TRMT2A: variants seen among roughly 807,000 people sequenced by gnomAD.
TRMT2A encodes the protein tRNA (uracil-5-)-methyltransferase homolog A.
A neutral mutation model predicts 59.3 loss-of-function variants in TRMT2A; 60 were observed. The ratio of observed to expected loss-of-function variants is 1.01; its 90% CI spans 0.82 to 1.26. The LOEUF (loss-of-function observed/expected upper bound fraction) is 1.26, where lower values mean the gene tolerates loss of function less well. Ranked by LOEUF, TRMT2A falls within the 50% of genes most tolerant of loss-of-function variation. The pLI, the probability that TRMT2A is intolerant of heterozygous loss-of-function variation, is 0.00. For synonymous variants in TRMT2A, 403 were observed against 353.7 expected, an observed-to-expected ratio of 1.14 and a Z score of -1.56; for missense variants, 863 against 845.2, an observed-to-expected ratio of 1.02 and a Z score of -0.26.
rs1470228071 is a variant in TRMT2A at position 20,116,541 on chromosome 22, G to A, written c.96C>T (p.Pro32=). ...CCTCCAGGGCTGCCGGGGCTGCAGGGGGCACCGAGACGGTAGGGCAGCTCA... is the reference window on the plus strand; with the variant it reads ...CCTCCAGGGCTGCCGGGGCTGCAGGAGGCACCGAGACGGTAGGGCAGCTCA... ...SALSCPTVSV[P]PAAPAALEEV... is the part of the protein sequence containing the mutation. The change falls in exon 2 of 12, where the codon CCC becomes CCT. Residue 32 remains proline, a synonymous_variant. Transcript: ENST00000252136. 3 of 1,600,942 alleles carry A rather than the reference G, an allele frequency of 1.9e-6. No individual in the cohort carries two copies. The highest frequency in any genetic ancestry group is 1.3e-5 in the African/African-American group (1 of 74,446).
At chr22:20,114,740 C>T (rs748348376) in intron 6 of TRMT2A, 21 bp downstream of exon 6, 29 of 1,611,200 alleles carry the variant, frequency 1.8e-5, no homozygotes, top group Middle Eastern at 3.3e-4. Context: ...GGACCTGCCC[C>T]GCCCCACTCG....
intron 2 of TRMT2A, 23 bp downstream of exon 2, chr22:20,116,015 G>A (rs1427563876): frequency 1.3e-6 from 2 of 1,534,296 alleles, no homozygotes. Flanking sequence ...TGGCCAAGAG[G>A]GGCGTCTTGC....
chr22:20,113,687 C>CGGGCCA lies in TRMT2A; in HGVS notation c.1349_1354dup (p.Leu450_Ala451dup), dbSNP rs1357484477. 26 of 1,594,998 alleles carry CGGGCCA rather than the reference C, an allele frequency of 1.6e-5. No homozygotes were observed. Among genetic ancestry groups the CGGGCCA allele is most frequent in the Non-Finnish European group, 2.1e-5 (25 of 1,171,080 alleles). On this transcript the variant is annotated inframe_insertion and splice_region_variant, in exon 8 of 12. Coordinates refer to ENST00000252136, the MANE Select transcript of TRMT2A (RefSeq NM_022727.6). ...CCTCAGCAGGGCAGGAGGGCTCACC[C>CGGGCCA]GGGCCAGGGCCAGGCCAATGGTGCC...
intron 10 of TRMT2A, 27 bp from the exon 11 acceptor site, chr22:20,113,034 C>T: frequency 6.2e-7 from 1 of 1,612,966 alleles, no homozygotes; most frequent in South Asian, 1.1e-5. Flanking sequence ...CAGCTGGGTC[C>T]CCACAGCCAG....
At position 20,116,578 on chromosome 22, in the gene TRMT2A, C is replaced by A; in HGVS notation, c.59G>T (p.Ser20Ile). ...GGTAGGGCAGCTCAGGGCACTGCTG[C>A]TCTCCTGGCCACAGCTCTCCATGGG... ...PKPMESCGQE[S>I]SSALSCPTVS... Residue 20 changes from serine (S) to isoleucine (I), a missense_variant, in exon 2 of 12, where the codon AGC (serine) becomes ATC (isoleucine). Physicochemically the swap from Ser to Ile is moderately radical, Grantham distance 142. Transcript: ENST00000252136. The A allele has an allele frequency of 6.4e-7, 1 of 1,565,096 alleles. No homozygotes were observed.
Position 20,117,081 on chromosome 22 carries a change from G to C in TRMT2A, c.-175C>G. 1.2e-6 allele frequency: 1 copy of C among 837,402 alleles called. No individual in the cohort carries two copies. The highest frequency in any genetic ancestry group is 1.9e-6 in the Non-Finnish European group (1 of 539,172). The allele number at this position is 837,402 out of a possible 1,614,324, so 51.9% of individuals were successfully genotyped here. Reference sequence around the variant, plus strand: ...CGCCACCCCCGGCTTCGCCCCAGGCGGGGCGGGACTCGAACCTGCGATGCT... The same window carrying C: ...CGCCACCCCCGGCTTCGCCCCAGGCCGGGCGGGACTCGAACCTGCGATGCT... On this transcript the variant is annotated 5_prime_UTR_variant, in exon 1 of 12. Coordinates refer to ENST00000252136, the MANE Select transcript of TRMT2A (RefSeq NM_022727.6).
At position 20,116,198 on chromosome 22, in the gene TRMT2A, T is replaced by C. The variant is rs2050012043; in HGVS notation, c.439A>G (p.Lys147Glu). Residue 147 changes from lysine to glutamate, a missense_variant, in exon 2 of 12, where the codon AAG (lysine) becomes GAG (glutamate). Transcript: ENST00000252136. ...RPLSVRLARP[K>E]ADPMARRRRQ... ...CTCCTCCTGGCCATGGGGTCGGCCT[T>C]GGGCCGGGCCAGGCGCACACTGAGT... The C allele has an allele frequency of 6.2e-6, 10 of 1,613,050 alleles. No homozygotes were observed. Among genetic ancestry groups the C allele is most frequent in the Non-Finnish European group, 7.6e-6 (9 of 1,179,990 alleles).
intron 4 of TRMT2A, 81 bp downstream of exon 4, chr22:20,115,185 C>T (rs927586017): frequency 6.3e-7 from 1 of 1,577,692 alleles, no homozygotes; most frequent in Non-Finnish European, 8.6e-7. Flanking sequence ...GGCAGGCACT[C>T]CAGAATTCCC....
Position 20,113,017 on chromosome 22 carries a change from C to T in TRMT2A, c.1550-10G>A, listed in dbSNP as rs1192799110. 3.1e-6 allele frequency: 5 copies of T among 1,613,696 alleles called. No homozygotes were observed. The highest frequency in any genetic ancestry group is 4.5e-5 in the East Asian group (2 of 44,886). On this transcript the variant is annotated splice_polypyrimidine_tract_variant and intron_variant, in intron 10 of 11. Transcript: ENST00000252136. ...AGGATCACCTTGGAATCTGAGGAGGCAAACACCAGCTGGGTCCCCACAGCC... is the reference window on the plus strand; with the variant it reads ...AGGATCACCTTGGAATCTGAGGAGGTAAACACCAGCTGGGTCCCCACAGCC...
intron 7 of TRMT2A, 58 bp downstream of exon 7, chr22:20,114,516 G>A: frequency 7.1e-7 from 1 of 1,404,898 alleles, no homozygotes; most frequent in Non-Finnish European, 1.0e-6. Context: ...ATCACGTCCT[G>A]ATGGTGCGTC....
Position 20,112,365 on chromosome 22 carries a change from GGGCAACA to G in TRMT2A, c.*191_*197del. ...GCTAGTCCACAAAGGCCCTGGGGAT[GGGCAACA>G]GGCTACAGGAACCCACCTGTCTTCC... is the stretch of plus-strand genomic sequence containing the variant. On this transcript the variant is annotated 3_prime_UTR_variant, in exon 12 of 12. Transcript: ENST00000252136. 1 of 659,326 alleles carries G rather than the reference GGGCAACA, an allele frequency of 1.5e-6. No homozygotes were observed. 40.8% of individuals were successfully genotyped at this position (659,326 alleles called of 1,614,324 possible).
At position 20,112,169 on chromosome 22, in the gene TRMT2A, T is replaced by A; in HGVS notation, c.*394A>T. 1 of 209,606 alleles carries A rather than the reference T, an allele frequency of 4.8e-6. No individual in the cohort carries two copies. Among genetic ancestry groups the A allele is most frequent in the Non-Finnish European group, 9.5e-6 (1 of 105,728 alleles). 13.0% of individuals were successfully genotyped at this position (209,606 alleles called of 1,614,324 possible). A position where few individuals can be genotyped will look rare whatever the true frequency, so the allele number is the denominator to read the frequency against. Reference sequence around the variant, plus strand: ...TTAAGTATCAAATCGAACATTCTTTTTTAAAGTAAGCTCTGCCCTGACTCC... The same window carrying A: ...TTAAGTATCAAATCGAACATTCTTTATTAAAGTAAGCTCTGCCCTGACTCC... On this transcript the variant is annotated 3_prime_UTR_variant, in exon 12 of 12. Transcript: ENST00000252136.
intron 1 of TRMT2A, 111 bp from the exon 2 acceptor site, chr22:20,116,723 C>T: frequency 7.0e-7 from 1 of 1,422,652 alleles, no homozygotes; most frequent in Non-Finnish European, 9.5e-7. Flanking sequence ...TGCACTCAGC[C>T]CTGCCCCTCC....
At position 20,112,478 on chromosome 22, in the gene TRMT2A, A is replaced by G. The variant is rs930226915; in HGVS notation, c.*85T>C. Reference sequence around the variant, plus strand: ...TGTGCCCTTTGGCTGCCTACCTCTGAATATCCTGGCCAGCAAGCCATGCCT... The same window carrying G: ...TGTGCCCTTTGGCTGCCTACCTCTGGATATCCTGGCCAGCAAGCCATGCCT... On this transcript the variant is annotated 3_prime_UTR_variant, in exon 12 of 12. Coordinates refer to ENST00000252136, the MANE Select transcript of TRMT2A (RefSeq NM_022727.6). 18 of 1,484,082 alleles carry G rather than the reference A, an allele frequency of 1.2e-5. No individual in the cohort carries two copies. The highest frequency in any genetic ancestry group is 9.0e-5 in the Admixed American group (4 of 44,244). The allele number at this position is 1,484,082 out of a possible 1,614,324, so 91.9% of individuals were successfully genotyped here. A position where few individuals can be genotyped will look rare whatever the true frequency, so the allele number is the denominator to read the frequency against.
chr22:20,112,876 G>C (rs879839709), intron 11 of TRMT2A, 35 bp downstream of exon 11: 2 of 1,612,672 alleles, frequency 1.2e-6, no homozygotes, highest in African/African-American at 2.7e-5. Flanking sequence ...TTGGTAGCAG[G>C]CCTAGCCCCC....
Position 20,112,513 on chromosome 22 carries a change from C to T in TRMT2A, c.*50G>A, listed in dbSNP as rs757021674. 6.3e-6 allele frequency: 10 copies of T among 1,580,288 alleles called. No individual in the cohort carries two copies. Among genetic ancestry groups the T allele is most frequent in the Non-Finnish European group, 8.6e-6 (10 of 1,161,360 alleles). ...CCAGCAAGCCATGCCTTCCCCGCCC[C>T]TGGGGCCCTGGGAGCCCTTCAGCTC... On this transcript the variant is annotated 3_prime_UTR_variant, in exon 12 of 12. Transcript: ENST00000252136.
chr22:20,115,457 G>C lies in TRMT2A; in HGVS notation c.709-10C>G, dbSNP rs767404596. The C allele has an allele frequency of 8.7e-6, 14 of 1,600,370 alleles. No homozygotes were observed. Among genetic ancestry groups the C allele is most frequent in the Non-Finnish European group, 1.1e-5 (13 of 1,172,944 alleles). ...TATTACGATACTCAGTCTGCAGGGA[G>C]AGAGAGCTGCACCTTACCCTGGCTG... On this transcript the variant is annotated splice_polypyrimidine_tract_variant and intron_variant, in intron 3 of 11. Coordinates refer to ENST00000252136, the MANE Select transcript of TRMT2A (RefSeq NM_022727.6).
intron 8 of TRMT2A, 68 bp from the exon 9 acceptor site, chr22:20,113,575 AGAG>A: frequency 6.2e-7 from 1 of 1,609,720 alleles, no homozygotes; most frequent in Non-Finnish European, 8.5e-7. Flanking sequence ...TGGGCAGCAA[AGAG>A]GAGCTGGGCC....
intron 2 of TRMT2A, 42 bp from the exon 3 acceptor site, chr22:20,115,822 C>G (rs1232235399): frequency 1.9e-6 from 3 of 1,567,484 alleles, no homozygotes; most frequent in Non-Finnish European, 2.6e-6. Flanking sequence ...CACCTACTGC[C>G]CCCGACCCAT....
Sources: gnomAD v4.1 joint callset for allele counts on GRCh38, gnomAD v4.1.1 for gene constraint, MANE v1.5 for transcripts, NCBI Gene and HGNC (gene_info 2026-07-23, HGNC 2026-07-21) for gene names.